DCTD: variants seen among roughly 807,000 people sequenced by gnomAD.
The protein encoded by DCTD is deoxycytidylate deaminase.
Under a neutral mutation model 21.0 loss-of-function variants are expected in DCTD, and 23 were observed. That is an observed-to-expected ratio of 1.09 (90% CI 0.79 to 1.55). The LOEUF (loss-of-function observed/expected upper bound fraction) is 1.55, where lower values mean the gene tolerates loss of function less well. DCTD is among the 40% of genes most tolerant of loss of function. DCTD has a pLI of 0.00. For synonymous variants in DCTD, 71 were observed against 81.1 expected, an observed-to-expected ratio of 0.88 and a Z score of 0.67; for missense variants, 224 against 230.0, an observed-to-expected ratio of 0.97 and a Z score of 0.17.
intron 3 of DCTD, among the ~76,000 whole-genome samples, chr4:182,907,525 T>C (rs1401429940): frequency 1.3e-5 from 2 of 152,218 alleles, no homozygotes; most frequent in Non-Finnish European, 2.9e-5. Context: ...ACAGTCTGAC[T>C]GTCCCCTCCT....
Position 182,891,490 on chromosome 4 carries a change from A to G in DCTD, c.459-13T>C, listed in dbSNP as rs749281693. ...CGGTATGAATTTCCTAAAAATAAAA[A>G]CAAAATACAATTATTATCTGGTGAG... On this transcript the variant is annotated splice_polypyrimidine_tract_variant and intron_variant, in intron 5 of 5. Transcript: ENST00000438320. The G allele has an allele frequency of 3.8e-6, 6 of 1,573,784 alleles. No individual in the cohort carries two copies. In the East Asian group the frequency reaches 1.3e-4, roughly 35 times the overall value.
rs574904828 is a variant in DCTD, at chr4:182,914,344, G to C, written c.244+579C>G. Among the ~76,000 whole-genome samples the C allele has an allele frequency of 7.2e-5, 11 of 152,342 alleles. No individual in the cohort carries two copies. The South Asian group carries it at 2.1e-3, about 29-fold the overall frequency. On this transcript the variant is annotated intron_variant, in intron 3 of 5. Coordinates refer to ENST00000438320, the MANE Select transcript of DCTD (RefSeq NM_001921.3). Reference sequence around the variant, plus strand: ...TTTTGGTCTGACCACAGCCTACTGTGAAATTGCAGCATCCCCTGTAACTGG... The same window carrying C: ...TTTTGGTCTGACCACAGCCTACTGTCAAATTGCAGCATCCCCTGTAACTGG...
At chr4:182,906,564 G>A (rs1736760680) in intron 3 of DCTD, among the ~76,000 whole-genome samples, 1 of 152,198 alleles carries the variant, frequency 6.6e-6, no homozygotes, top group Non-Finnish European at 1.5e-5. Context: ...AAAGAAAGAT[G>A]ACTCCAGAGA....
chr4:182,915,569 G>T lies in DCTD; in HGVS notation c.-1C>A, dbSNP rs1738587740. On this transcript the variant is annotated 5_prime_UTR_variant, in exon 2 of 6. Coordinates refer to ENST00000438320, the MANE Select transcript of DCTD (RefSeq NM_001921.3). Reference sequence around the variant, plus strand: ...GTTTCTTGCAGGAAACTTCACTCATGTTGGGTCTAGAAGAAAAACATGACA... The same window carrying T: ...GTTTCTTGCAGGAAACTTCACTCATTTTGGGTCTAGAAGAAAAACATGACA... 8 of 1,600,442 alleles carry T rather than the reference G, an allele frequency of 5.0e-6. No individual in the cohort carries two copies. The highest frequency in any genetic ancestry group is 6.9e-6 in the Non-Finnish European group (8 of 1,167,466).
At chr4:182,916,756 G>A (rs1396398801) in intron 1 of DCTD, 11 of 1,110,796 alleles carry the variant, frequency 9.9e-6, no homozygotes, top group Admixed American at 7.8e-5. Context: ...GCCATGGGGG[G>A]CGAGGGAAGA....
chr4:182,897,482 A>G (rs1734941128), intron 3 of DCTD, among the ~76,000 whole-genome samples: 1 of 148,904 alleles, frequency 6.7e-6, no homozygotes, highest in Non-Finnish European at 1.5e-5. Context: ...TTCCTCCTTT[A>G]TTCATTTGAT....
At chr4:182,902,207 C>T (rs950668079) in intron 3 of DCTD, among the ~76,000 whole-genome samples, 3 of 152,216 alleles carry the variant, frequency 2.0e-5, no homozygotes, top group African/African-American at 7.2e-5. Context: ...AAGCCCCCCA[C>T]AACCCCCACC....
intron 3 of DCTD, among the ~76,000 whole-genome samples, chr4:182,897,774 T>C (rs1216383113): frequency 6.6e-6 from 1 of 152,136 alleles, no homozygotes; most frequent in Non-Finnish European, 1.5e-5. Context: ...CCTGCGGGGC[T>C]GAGGAGAGAA....
intron 3 of DCTD, among the ~76,000 whole-genome samples, chr4:182,910,057 C>T (rs1050092876): frequency 6.6e-6 from 1 of 152,104 alleles, no homozygotes; most frequent in African/African-American, 2.4e-5. Flanking sequence ...CCACTTCTAC[C>T]CAACGCACTC....
chr4:182,906,436 G>A (rs112485488), intron 3 of DCTD, among the ~76,000 whole-genome samples: 544 of 152,250 alleles, frequency 3.6e-3, no homozygotes, highest in Non-Finnish European at 4.4e-3. Flanking sequence ...CAGAGTGCCC[G>A]GCATGTAAAA....
chr4:182,896,546 C>T (rs1372956067), intron 3 of DCTD, among the ~76,000 whole-genome samples: 2 of 152,188 alleles, frequency 1.3e-5, no homozygotes, highest in African/African-American at 2.4e-5. Flanking sequence ...TGCCCCGAGA[C>T]TTGCAGGTCT....
At chr4:182,897,570 C>T (rs900286196) in intron 3 of DCTD, among the ~76,000 whole-genome samples, 4 of 151,662 alleles carry the variant, frequency 2.6e-5, no homozygotes, top group Non-Finnish European at 4.4e-5. Context: ...AGTAGTGTGT[C>T]GGGTACACAT....
chr4:182,904,847 C>A (rs1736387049), intron 3 of DCTD, among the ~76,000 whole-genome samples: 1 of 152,164 alleles, frequency 6.6e-6, no homozygotes, highest in South Asian at 2.1e-4. Flanking sequence ...CCCTCTCAGT[C>A]CTTCCTCTTA....
chr4:182,910,400 C>T (rs1481298853), intron 3 of DCTD, among the ~76,000 whole-genome samples: 1 of 152,176 alleles, frequency 6.6e-6, no homozygotes, highest in Non-Finnish European at 1.5e-5. Context: ...ATATCTGAAT[C>T]ACCAAGAGTA....
At chr4:182,892,885 T>C (rs1350525162) in intron 5 of DCTD, 146 bp downstream of exon 5, 4 of 631,082 alleles carry the variant, frequency 6.3e-6, no homozygotes, top group South Asian at 1.9e-5. Flanking sequence ...ACCCCTATAA[T>C]AGTCTTTAAA....
intron 3 of DCTD, among the ~76,000 whole-genome samples, chr4:182,914,264 T>C (rs563373413): frequency 2.6e-5 from 4 of 152,336 alleles, no homozygotes; most frequent in Admixed American, 1.3e-4. Flanking sequence ...CGTCTCCACC[T>C]CCCAAAGTGT....
At chr4:182,908,415 C>A (rs1216397663) in intron 3 of DCTD, among the ~76,000 whole-genome samples, 2 of 152,084 alleles carry the variant, frequency 1.3e-5, no homozygotes, top group Admixed American at 6.6e-5. Flanking sequence ...GGCACAGTGA[C>A]TCAAGCCTGT....
At position 182,899,550 on chromosome 4, in the gene DCTD, G is replaced by A. The variant is rs190496031; in HGVS notation, c.245-4945C>T. ...CGAGTAGCTGGGATTACAGGCACCC[G>A]TCACCATGCCCAGCTAATTCTTGTA... On this transcript the variant is annotated intron_variant, in intron 3 of 5. Transcript: ENST00000438320. Among the ~76,000 whole-genome samples, 9 of 151,986 alleles carry A rather than the reference G, an allele frequency of 5.9e-5. No homozygotes were observed. The East Asian group carries it at 1.2e-3, about 20-fold the overall frequency.
chr4:182,899,306 G>A (rs1257242290), intron 3 of DCTD, among the ~76,000 whole-genome samples: 1 of 151,996 alleles, frequency 6.6e-6, no homozygotes, highest in Non-Finnish European at 1.5e-5. Context: ...TTACTTTTCT[G>A]TAGGTCCTTT....
Sources: gnomAD v4.1 joint callset for allele counts (sites outside exome capture counted in the v4.1 genomes callset) on GRCh38, gnomAD v4.1.1 for gene constraint, MANE v1.5 for transcripts, NCBI Gene and HGNC (gene_info 2026-07-23, HGNC 2026-07-21) for gene names.